Variants in PRKG1 observed in about 807,000 individuals in gnomAD.
PRKG1 encodes the protein cGMP-dependent protein kinase 1.
A neutral mutation model predicts 88.1 loss-of-function variants in PRKG1; 35 were observed. The observed-to-expected ratio is 0.40, with a 90% CI of 0.30 to 0.53. The LOEUF (loss-of-function observed/expected upper bound fraction) is 0.53, where lower values mean the gene tolerates loss of function less well. Among genes scored for constraint, PRKG1 ranks in the 20% least tolerant of loss-of-function variants. PRKG1 has a pLI of 0.59. For synonymous variants in PRKG1, 303 were observed against 292.5 expected (o/e 1.04, Z -0.37); for missense variants, 540 against 839.8 (o/e 0.64, Z 4.41).
At position 51,433,204 on chromosome 10, in the gene PRKG1, G is replaced by T. The variant is rs950011490; in HGVS notation, c.479-34519G>T. ...GCCACAATTTTTTTTCTATTAATCT[G>T]AGAACAGGGTAAAATAAATGGGAAT... is the stretch of plus-strand genomic sequence containing the variant. On this transcript the variant is annotated intron_variant, in intron 2 of 17. Coordinates refer to ENST00000373980, the MANE Select transcript of PRKG1 (RefSeq NM_006258.4). Among the ~76,000 whole-genome samples the T allele has an allele frequency of 2.6e-5, 4 of 152,226 alleles. No individual in the cohort carries two copies. In the East Asian group the frequency reaches 7.7e-4, roughly 29 times the overall value.
At chr10:51,668,681 A>T (rs2132343670) in intron 3 of PRKG1, among the ~76,000 whole-genome samples, 1 of 152,298 alleles carries the variant, frequency 6.6e-6, no homozygotes, top group Admixed American at 6.5e-5. Context: ...AACTGGTATG[A>T]ATCTTTACAA....
intron 3 of PRKG1, among the ~76,000 whole-genome samples, chr10:51,732,525 T>C (rs1837140090): frequency 2.6e-5 from 4 of 152,018 alleles, no homozygotes; most frequent in Admixed American, 1.3e-4. Context: ...GCAAGAACGG[T>C]GAGATTCAAG....
At chr10:51,976,243 C>T (rs1164763213) in intron 5 of PRKG1, among the ~76,000 whole-genome samples, 1 of 151,916 alleles carries the variant, frequency 6.6e-6, no homozygotes, top group Non-Finnish European at 1.5e-5. Flanking sequence ...CATATGACCC[C>T]ATAATTCCAC....
chr10:52,168,763 G>A (rs1838570016), intron 9 of PRKG1, among the ~76,000 whole-genome samples: 1 of 152,020 alleles, frequency 6.6e-6, no homozygotes, highest in Non-Finnish European at 1.5e-5. Context: ...AGGTCTTCAG[G>A]AAATAGATAT....
rs899339817 is a variant in PRKG1 at position 52,296,730 on chromosome 10, A to G, written c.*2830A>G. ...GAAAACTGAAACTGCCAAGGGAAGCAACATTAAAACAACTGGGATAGATTG... is the reference window on the plus strand; with the variant it reads ...GAAAACTGAAACTGCCAAGGGAAGCGACATTAAAACAACTGGGATAGATTG... On this transcript the variant is annotated 3_prime_UTR_variant, in exon 18 of 18. Coordinates refer to ENST00000373980, the MANE Select transcript of PRKG1 (RefSeq NM_006258.4). The G allele has an allele frequency of 6.6e-6, 1 of 152,136 alleles. No homozygotes were observed. Among genetic ancestry groups the G allele is most frequent in the Admixed American group, 6.6e-5 (1 of 15,256 alleles). 9.4% of individuals were successfully genotyped at this position (152,136 alleles called of 1,614,324 possible).
chr10:51,999,144 G>T (rs894617873), intron 5 of PRKG1, among the ~76,000 whole-genome samples: 1 of 152,160 alleles, frequency 6.6e-6, no homozygotes, highest in African/African-American at 2.4e-5. Context: ...TTATATGTGG[G>T]AGATTAAAAA....
rs377217835 is a variant in PRKG1 at position 51,943,788 on chromosome 10, T to A, written c.762+36218T>A. Among the ~76,000 whole-genome samples, 9 of 152,116 alleles carry A rather than the reference T, an allele frequency of 5.9e-5. No individual in the cohort carries two copies. In the South Asian group the frequency reaches 6.2e-4, roughly 10 times the overall value. On this transcript the variant is annotated intron_variant, in intron 5 of 17. Transcript: ENST00000373980. ...TTTGCATATATTGAACCAGCCTTGC[T>A]TCCCAGGGATGAAGCCCACTTGATC...
In PRKG1 at chr10:52,036,575, GCCAAGGAGGGAGTAGAGGTAT is replaced by G. The variant is rs1170848695; in HGVS notation, c.763-17907_763-17887del. ...GATGGTAACGGGTGCATGATTGGTC[GCCAAGGAGGGAGTAGAGGTAT>G]CTTATACTTGTGGGTTAAGGTGGGG... On this transcript the variant is annotated intron_variant, in intron 5 of 17. Transcript: ENST00000373980. 1.7e-3 allele frequency among the ~76,000 whole-genome samples: 256 copies of G among 152,006 alleles called. 1 individual carries two copies. Among genetic ancestry groups the G allele is most frequent in the African/African-American group, 5.7e-3 (235 of 41,470 alleles).
chr10:52,035,126 T>A (rs1398244409), intron 5 of PRKG1, among the ~76,000 whole-genome samples: 1 of 152,168 alleles, frequency 6.6e-6, no homozygotes, highest in Non-Finnish European at 1.5e-5. Flanking sequence ...AAGGCTAAAC[T>A]GAGGAATTAT....
chr10:51,153,109 A>C (rs563641117), intron 1 of PRKG1, 55 bp from the exon 2 acceptor site: 4 of 1,557,832 alleles, frequency 2.6e-6, no homozygotes, highest in Non-Finnish European at 3.5e-6. Flanking sequence ...TAAACCTCAC[A>C]AACTATGAAA....
chr10:51,399,512 G>A (rs754842919), intron 2 of PRKG1, among the ~76,000 whole-genome samples: 2 of 152,132 alleles, frequency 1.3e-5, no homozygotes, highest in Non-Finnish European at 2.9e-5. Context: ...GAATCTTTCC[G>A]GTATCTGAAC....
intron 10 of PRKG1, among the ~76,000 whole-genome samples, chr10:52,270,392 A>G (rs1043089914): frequency 6.6e-6 from 1 of 152,102 alleles, no homozygotes; most frequent in Non-Finnish European, 1.5e-5. Context: ...AGGATTATAA[A>G]TCATGCTGCT....
At chr10:51,792,303 T>C (rs1358905915) in intron 3 of PRKG1, among the ~76,000 whole-genome samples, 2 of 152,146 alleles carry the variant, frequency 1.3e-5, no homozygotes. Context: ...GAAATCTACT[T>C]ATTTCTTAGA....
chr10:52,082,779 G>T (rs1358482151), intron 7 of PRKG1, among the ~76,000 whole-genome samples: 4 of 151,884 alleles, frequency 2.6e-5, no homozygotes, highest in Admixed American at 2.6e-4. Context: ...TTTACATTAG[G>T]GGTATTTAGC....
intron 9 of PRKG1, among the ~76,000 whole-genome samples, chr10:52,233,726 G>A (rs1387835298): frequency 6.8e-6 from 1 of 147,856 alleles, no homozygotes; most frequent in African/African-American, 2.5e-5. Context: ...AGGCGGCAGC[G>A]AGGCTGGGGG....
intron 3 of PRKG1, among the ~76,000 whole-genome samples, chr10:51,513,311 A>G (rs1057349315): frequency 2.8e-5 from 4 of 143,508 alleles, no homozygotes; most frequent in African/African-American, 1.0e-4. Context: ...CTAAATATAT[A>G]TGCACCCAAT....
At chr10:51,164,842 T>A (rs1379250619) in intron 2 of PRKG1, among the ~76,000 whole-genome samples, 1 of 151,872 alleles carries the variant, frequency 6.6e-6, no homozygotes, top group Non-Finnish European at 1.5e-5. Flanking sequence ...AAGGGAAGTT[T>A]AGAGAAAAAA....
chr10:51,298,576 G>A (rs1445061475), intron 2 of PRKG1, among the ~76,000 whole-genome samples: 1 of 152,140 alleles, frequency 6.6e-6, no homozygotes, highest in Non-Finnish European at 1.5e-5. Flanking sequence ...CTGGAGGAAG[G>A]GAGAAGATGG....
intron 1 of PRKG1, among the ~76,000 whole-genome samples, chr10:51,097,686 G>C (rs1157067048): frequency 6.6e-6 from 1 of 151,910 alleles, no homozygotes; most frequent in African/African-American, 2.4e-5. Flanking sequence ...TGCAGTGCCC[G>C]CCCTCCTTCA....
Sources: gnomAD v4.1 joint callset for allele counts (sites outside exome capture counted in the v4.1 genomes callset) on GRCh38, gnomAD v4.1.1 for gene constraint, MANE v1.5 for transcripts, NCBI Gene and HGNC (gene_info 2026-07-23, HGNC 2026-07-21) for gene names.